ADCY7: variants seen among roughly 807,000 people sequenced by gnomAD.
ADCY7 encodes adenylate cyclase 7.
In ADCY7, 72 loss-of-function variants were observed where a neutral mutation model predicts 120.6. The observed-to-expected ratio is 0.60, with a 90% CI of 0.49 to 0.73. The LOEUF is 0.73. ADCY7 is among the 30% of genes least tolerant of loss of function. ADCY7 has a pLI of 0.00. For missense variants in ADCY7, 1,227 were observed against 1,486.0 expected (o/e 0.83, Z 2.87); for synonymous variants, 661 against 628.0 (o/e 1.05, Z -0.78).
intron 1 of ADCY7, among the ~76,000 whole-genome samples, chr16:50,285,824 G>A (rs2034545500): frequency 1.3e-5 from 2 of 152,212 alleles, no homozygotes; most frequent in African/African-American, 2.4e-5. Context: ...AGACTGATGG[G>A]GATCCCTGGG....
chr16:50,310,838 G>A lies in ADCY7; in HGVS notation c.2312G>A (p.Gly771Asp), dbSNP rs1478934336. ...LSPCWQWDCC[G>D]QGLGNLTKPN... ...CCATGCTGGCAGTGGGACTGCTGCG[G>A]CCAAGGCCTGGGCAACCTCACCAAG... The change falls in exon 19 of 26, where the codon GGC (glycine) becomes GAC (aspartate). Residue 771 changes from glycine (G) to aspartate (D), a missense_variant. Gly to Asp is a moderately conservative substitution (Grantham distance 94, BLOSUM62 -1). This residue lies in a region of ADCY7 where 267 missense variants were observed against 270.0 expected (regional missense o/e 0.99). Transcript: ENST00000673801. The A allele has an allele frequency of 1.9e-6, 3 of 1,612,808 alleles. No homozygotes were observed. The South Asian group carries it at 3.3e-5, about 18-fold the overall frequency.
chr16:50,308,652 C>G lies in ADCY7; in HGVS notation c.1936-15C>G, dbSNP rs746637386. ...GGCTGTTGGCTCTGGGTGACTTGAC[C>G]CTGTTACCCCACAGAGGTGCTGCCC... On this transcript the variant is annotated splice_polypyrimidine_tract_variant and intron_variant, in intron 16 of 25. Coordinates refer to ENST00000673801, the MANE Select transcript of ADCY7 (RefSeq NM_001114.5). 1.4e-5 allele frequency: 23 copies of G among 1,604,102 alleles called. No individual in the cohort carries two copies. In the African/African-American group the frequency reaches 3.1e-4, roughly 21 times the overall value.
At chr16:50,286,082 G>T (rs1454505970) in intron 1 of ADCY7, among the ~76,000 whole-genome samples, 1 of 151,982 alleles carries the variant, frequency 6.6e-6, no homozygotes, top group Admixed American at 6.6e-5. Flanking sequence ...TCTGAAATTT[G>T]TATCAGTGGG....
At chr16:50,310,402 G>A in intron 18 of ADCY7, 2 of 1,488,606 alleles carry the variant, frequency 1.3e-6, no homozygotes, top group Non-Finnish European at 1.8e-6. Context: ...AGGCAGCTTG[G>A]ATGCATGCAC....
rs1391211432 is a variant in ADCY7, at chr16:50,292,793, C to T, written c.655C>T (p.Arg219Cys). ...CTACACTGTGAAGTGCATCCAGATC[C>T]GCCGGAAGCTGCGCATCGAGAAGCG... ...FTYTVKCIQI[R>C]RKLRIEKRQQ... Residue 219 changes from arginine to cysteine, a missense_variant, in exon 5 of 26, where the codon CGC becomes TGC. By Grantham distance (180) the Arg-to-Cys change is radical. This residue lies in a region of ADCY7 where 382 missense variants were observed against 411.4 expected (regional missense o/e 0.93). Transcript: ENST00000673801. 3 of 1,613,784 alleles carry T rather than the reference C, an allele frequency of 1.9e-6. No individual in the cohort carries two copies. Among genetic ancestry groups the T allele is most frequent in the Non-Finnish European group, 2.5e-6 (3 of 1,179,976 alleles).
intron 1 of ADCY7, among the ~76,000 whole-genome samples, chr16:50,257,502 G>A (rs1468207771): frequency 1.3e-5 from 2 of 152,106 alleles, no homozygotes; most frequent in African/African-American, 4.8e-5. Flanking sequence ...GAGGTGATAT[G>A]TTAATTAGCT....
chr16:50,289,385 T>A, intron 2 of ADCY7: 1 of 417,776 alleles, frequency 2.4e-6, no homozygotes, highest in Non-Finnish European at 4.7e-6. Context: ...CCTATGTCAT[T>A]TCCGGCCCAG....
At chr16:50,309,477 C>G in intron 17 of ADCY7, 71 bp from the exon 18 acceptor site, 1 of 1,313,604 alleles carries the variant, frequency 7.6e-7, no homozygotes, top group South Asian at 1.2e-5. Context: ...TGCCTGGGGC[C>G]CACCTTGCAT....
chr16:50,271,592 C>G (rs1484178214), intron 1 of ADCY7, among the ~76,000 whole-genome samples: 1 of 152,180 alleles, frequency 6.6e-6, no homozygotes, highest in Non-Finnish European at 1.5e-5. Flanking sequence ...TTGTGAGGCC[C>G]TCCCAGACCG....
upstream of ADCY7, among the ~76,000 whole-genome samples, chr16:50,245,025 G>T (rs1235456651): frequency 6.6e-6 from 1 of 152,206 alleles, no homozygotes. Context: ...TGATTTCTCA[G>T]CATGGTTTCA....
At chr16:50,295,345 ATTT>A (rs67137852) in intron 7 of ADCY7, among the ~76,000 whole-genome samples, 861 of 82,558 alleles carry the variant, frequency 0.01, no homozygotes, top group African/African-American at 0.031. Flanking sequence ...CGCCTGGCTA[ATTT>A]TTTTTTTTTT....
At chr16:50,288,505 T>A (rs759642590) in intron 2 of ADCY7, among the ~76,000 whole-genome samples, 155 bp downstream of exon 2, 1 of 152,136 alleles carries the variant, frequency 6.6e-6, no homozygotes, top group African/African-American at 2.4e-5. Flanking sequence ...TGAGACAGAG[T>A]CTCACTCTGT....
chr16:50,258,431 A>G (rs1467044487), intron 1 of ADCY7, among the ~76,000 whole-genome samples: 3 of 152,056 alleles, frequency 2.0e-5, no homozygotes, highest in East Asian at 3.8e-4. Flanking sequence ...CCTGAATCCT[A>G]TAAATTCATA....
chr16:50,312,792 TG>T, intron 21 of ADCY7, 97 bp from the exon 22 acceptor site: 2 of 1,095,798 alleles, frequency 1.8e-6, no homozygotes, highest in Non-Finnish European at 1.3e-6. Context: ...AAAGCTGGGC[TG>T]GGCAGTTCAG....
rs570372497 is a variant in ADCY7, at chr16:50,279,310, G to C, written c.-268-8602G>C. On this transcript the variant is annotated intron_variant, in intron 1 of 25. Transcript: ENST00000673801. Reference sequence around the variant, plus strand: ...CTGGGCAGGACGAGAACCACGTGAGGTCCCCCATGGCCAGCTGGACTTCCC... The same window carrying C: ...CTGGGCAGGACGAGAACCACGTGAGCTCCCCCATGGCCAGCTGGACTTCCC... Among the ~76,000 whole-genome samples, 3 of 152,312 alleles carry C rather than the reference G, an allele frequency of 2.0e-5. No individual in the cohort carries two copies. The East Asian group carries it at 5.8e-4, about 29-fold the overall frequency.
At position 50,301,147 on chromosome 16, in the gene ADCY7, A is replaced by T. The variant is rs1467142750; in HGVS notation, c.1301A>T (p.His434Leu). The T allele has an allele frequency of 5.0e-6, 8 of 1,613,700 alleles. No individual in the cohort carries two copies. The highest frequency in any genetic ancestry group is 5.9e-6 in the Non-Finnish European group (7 of 1,179,850). The part of the protein sequence containing the change: ...LDKAYEVEDG[H>L]GQQRDPYLKE... ...AAGGCGTACGAGGTGGAGGATGGGCACGGGCAGCAGCGGGACCCCTACCTC... is the reference window on the plus strand; with the variant it reads ...AAGGCGTACGAGGTGGAGGATGGGCTCGGGCAGCAGCGGGACCCCTACCTC... Residue 434 changes from histidine to leucine, a missense_variant, in exon 10 of 26, where the codon CAC becomes CTC. This residue lies in a region of ADCY7 where 332 missense variants were observed against 455.8 expected (regional missense o/e 0.73). Transcript: ENST00000673801.
intron 1 of ADCY7, among the ~76,000 whole-genome samples, chr16:50,279,266 C>T (rs1053857692): frequency 1.8e-4 from 28 of 152,324 alleles, no homozygotes; most frequent in Admixed American, 1.4e-3. Flanking sequence ...TGTGGGAAGT[C>T]AGCCAGCACC....
In ADCY7 at chr16:50,314,033, C is replaced by T. The variant is rs1190997099; in HGVS notation, c.2827C>T (p.Leu943Phe). ...CAGCACGTACATGGCAGCTGCAGGGCTCAGCGTCGCCTCAGGGCACGAGAA... is the reference window on the plus strand; with the variant it reads ...CAGCACGTACATGGCAGCTGCAGGGTTCAGCGTCGCCTCAGGGCACGAGAA... ...IGSTYMAAAG[L>F]SVASGHENQE... Residue 943 changes from leucine to phenylalanine, a missense_variant, in exon 23 of 26, where the codon CTC becomes TTC. Around this residue, in one of 5 missense-constraint regions of ADCY7, gnomAD observed 244 missense variants for 332.8 expected, o/e 0.73. Coordinates refer to ENST00000673801, the MANE Select transcript of ADCY7 (RefSeq NM_001114.5). The T allele has an allele frequency of 6.2e-7, 1 of 1,614,154 alleles. No homozygotes were observed. The highest frequency in any genetic ancestry group is 2.2e-5 in the East Asian group (1 of 44,878).
Position 50,251,652 on chromosome 16 carries a change from G to A in ADCY7, c.-64+5449G>A, listed in dbSNP as rs149266451. 3.0e-3 allele frequency among the ~76,000 whole-genome samples: 461 copies of A among 152,370 alleles called. 3 individuals carry two copies. The highest frequency in any genetic ancestry group is 0.011 in the African/African-American group (448 of 41,584). On this transcript the variant is annotated intron_variant, in intron 1 of 4. Transcript: ENST00000564044. ...CCAACTTAGAAGGCCTGTACCCCTG[G>A]CCACGTTGCTGCATGGCAGCTACCG...
Sources: gnomAD v4.1 joint callset for allele counts (sites outside exome capture counted in the v4.1 genomes callset) on GRCh38, gnomAD v4.1.1 for gene constraint, gnomAD v4.1.1 regional missense constraint, MANE v1.5 for transcripts, NCBI Gene and HGNC (gene_info 2026-07-23, HGNC 2026-07-21) for gene names.